Variants in SERBP1 observed in about 807,000 individuals in gnomAD.
SERBP1 encodes SERPINE1 mRNA binding protein 1.
Under a neutral mutation model 50.2 loss-of-function variants are expected in SERBP1, and 6 were observed. The ratio of observed to expected loss-of-function variants is 0.12; its 90% CI spans 0.07 to 0.24. The LOEUF (loss-of-function observed/expected upper bound fraction) is 0.24, where lower values mean the gene tolerates loss of function less well. Ranked by LOEUF, SERBP1 falls within the 10% of genes least tolerant of loss-of-function variation. The pLI, the probability that SERBP1 is intolerant of heterozygous loss-of-function variation, is 1.00. For synonymous variants in SERBP1, 168 were observed against 182.8 expected (o/e 0.92, Z 0.65); for missense variants, 346 against 524.9 (o/e 0.66, Z 3.33).
intron 5 of SERBP1, 67 bp from the exon 6 acceptor site, chr1:67,420,253 T>G (rs1667158532): frequency 3.2e-6 from 4 of 1,261,880 alleles, no homozygotes; most frequent in African/African-American, 1.5e-5. Context: ...ATTTTAAATT[T>G]ATGATTTTAA....
rs57255283 is a variant in SERBP1, at chr1:67,422,960, C to CAAACA, written c.773+1235_773+1239dup. On this transcript the variant is annotated intron_variant, in intron 5 of 7. Coordinates refer to ENST00000361219, the MANE Select transcript of SERBP1 (RefSeq NM_001018069.2). ...CTGGGCAACAGAGCGAGAATGTCTCCAAACAAAACAAAACAAAACAAAACA... is the reference window on the plus strand; with the variant it reads ...CTGGGCAACAGAGCGAGAATGTCTCCAAACAAAACAAAACAAAACAAAACAAAACA... 8.8e-3 allele frequency among the ~76,000 whole-genome samples: 1,297 copies of CAAACA among 147,554 alleles called. 10 individuals carry two copies. The highest frequency in any genetic ancestry group is 0.031 in the African/African-American group (1,236 of 39,644).
At chr1:67,424,348 C>T (rs1391697361) in intron 4 of SERBP1, 71 bp from the exon 5 acceptor site, 1 of 1,567,812 alleles carries the variant, frequency 6.4e-7, no homozygotes, top group Non-Finnish European at 8.6e-7. Context: ...AAAAGAAAGG[C>T]ATCTAGGTCC....
At chr1:67,428,303 C>T (rs1667453896) in intron 1 of SERBP1, among the ~76,000 whole-genome samples, 1 of 152,174 alleles carries the variant, frequency 6.6e-6, no homozygotes, top group Admixed American at 6.5e-5. Flanking sequence ...AAATCATTCC[C>T]CACATTTGTT....
chr1:67,426,158 T>C lies in SERBP1; in HGVS notation c.441A>G (p.Glu147=). The C allele has an allele frequency of 6.2e-7, 1 of 1,607,146 alleles. No individual in the cohort carries two copies. Among genetic ancestry groups the C allele is most frequent in the Non-Finnish European group, 8.5e-7 (1 of 1,177,784 alleles). The change falls in exon 2 of 8, where the codon GAA becomes GAG. Residue 147 remains glutamate, a synonymous_variant. Coordinates refer to ENST00000361219, the MANE Select transcript of SERBP1 (RefSeq NM_001018069.2). ...ACCTATCAACTGAAAATTCGCCTCCTTCACCCTTTTCTTCAAGTGGCTTTT... is the reference window on the plus strand; with the variant it reads ...ACCTATCAACTGAAAATTCGCCTCCCTCACCCTTTTCTTCAAGTGGCTTTT... ...RFEKPLEEKG[E]GGEFSVDRPI... is the part of the protein sequence containing the mutation.
chr1:67,429,063 C>A (rs1667479380), intron 1 of SERBP1, among the ~76,000 whole-genome samples: 1 of 152,010 alleles, frequency 6.6e-6, no homozygotes, highest in East Asian at 1.9e-4. Context: ...GCCCTAGAAA[C>A]AACTATTAAC....
intron 5 of SERBP1, 27 bp from the exon 6 acceptor site, chr1:67,420,213 C>T: frequency 6.5e-7 from 1 of 1,537,732 alleles, no homozygotes; most frequent in South Asian, 1.2e-5. Flanking sequence ...AAGTTTTATA[C>T]CTGGTAGAGA....
In SERBP1 at chr1:67,412,181, A is replaced by C. The variant is rs775114747; in HGVS notation, c.*1026T>G. The C allele has an allele frequency of 2.0e-5, 3 of 152,664 alleles. No homozygotes were observed. The highest frequency in any genetic ancestry group is 7.2e-5 in the African/African-American group (3 of 41,454). The allele number at this position is 152,664 out of a possible 1,614,324, so 9.5% of individuals were successfully genotyped here. On this transcript the variant is annotated 3_prime_UTR_variant, in exon 8 of 8. Coordinates refer to ENST00000361219, the MANE Select transcript of SERBP1 (RefSeq NM_001018069.2). ...CGCCCTTTGGTTTTTGTTTTAGAACAAGGAAGGGTTAAATGGTGGCTGATT... is the reference window on the plus strand; with the variant it reads ...CGCCCTTTGGTTTTTGTTTTAGAACCAGGAAGGGTTAAATGGTGGCTGATT...
intron 2 of SERBP1, among the ~76,000 whole-genome samples, chr1:67,425,569 A>T (rs1667342370): frequency 6.6e-6 from 1 of 152,242 alleles, no homozygotes; most frequent in African/African-American, 2.4e-5. Context: ...TGCTATAAAC[A>T]ATAAACCAAC....
intron 5 of SERBP1, 78 bp from the exon 6 acceptor site, chr1:67,420,264 T>C (rs1557503799): frequency 8.3e-7 from 1 of 1,198,026 alleles, no homozygotes; most frequent in Non-Finnish European, 1.2e-6. Context: ...ATGATTTTAA[T>C]TGAGAAAATT....
rs1667333422 is a variant in SERBP1 at position 67,425,300 on chromosome 1, T to C, written c.465-77A>G. On this transcript the variant is annotated intron_variant, in intron 2 of 7. Coordinates refer to ENST00000361219, the MANE Select transcript of SERBP1 (RefSeq NM_001018069.2). ...GAAAATTCATCCAAAAGATCAAAAA[T>C]ACAGAACATGTTTACTGGCTCAAAA... The C allele has an allele frequency of 1.4e-5, 19 of 1,355,976 alleles. 2 individuals carry two copies. The South Asian group carries it at 2.8e-4, about 20-fold the overall frequency. The allele number at this position is 1,355,976 out of a possible 1,614,324, so 84.0% of individuals were successfully genotyped here. A position where few individuals can be genotyped will look rare whatever the true frequency, so the allele number is the denominator to read the frequency against.
intron 5 of SERBP1, 130 bp downstream of exon 5, chr1:67,424,070 G>A (rs1263403705): frequency 2.3e-6 from 2 of 856,100 alleles, no homozygotes; most frequent in Non-Finnish European, 3.5e-6. Flanking sequence ...AGGGATGAGG[G>A]TACAGTAAGT....
At chr1:67,416,773 G>T (rs373035297) in intron 6 of SERBP1, among the ~76,000 whole-genome samples, 1 of 152,094 alleles carries the variant, frequency 6.6e-6, no homozygotes, top group South Asian at 2.1e-4. Context: ...TAAGGCAATA[G>T]AATGTTCTAA....
At chr1:67,429,798 G>T in intron 1 of SERBP1, 190 bp downstream of exon 1, 1 of 605,158 alleles carries the variant, frequency 1.7e-6, no homozygotes, top group South Asian at 2.3e-5. Context: ...CGCCGGCGGT[G>T]GCTTGAACTT....
At position 67,420,087 on chromosome 1, in the gene SERBP1, A is replaced by G. The variant is rs1341042675; in HGVS notation, c.873T>C (p.Phe291=). ...CACCTTCATTTGGTTTTCGGATATT[A>G]AATTCTACTTTTGCCCGGTCCTTAT... The part of the protein sequence containing the change: ...IQNKDRAKVE[F]NIRKPNEGAD... Residue 291 remains phenylalanine (F), a synonymous_variant, in exon 6 of 8, where the codon TTT becomes TTC. Transcript: ENST00000361219. 1 of 1,613,680 alleles carries G rather than the reference A, an allele frequency of 6.2e-7. No individual in the cohort carries two copies. The highest frequency in any genetic ancestry group is 1.7e-5 in the Admixed American group (1 of 60,008).
rs1666889090 is a variant in SERBP1, at chr1:67,412,979, C to A, written c.*228G>T. 6 of 544,572 alleles carry A rather than the reference C, an allele frequency of 1.1e-5. No individual in the cohort carries two copies. In the East Asian group the frequency reaches 2.2e-4, roughly 20 times the overall value. 33.7% of individuals were successfully genotyped at this position (544,572 alleles called of 1,614,324 possible). The stretch of plus-strand genomic sequence containing the variant: ...TAATCTCTGAAAATTATGAAAACAT[C>A]CCTGCTACCAATACATTTCTAAATA... On this transcript the variant is annotated 3_prime_UTR_variant, in exon 8 of 8. Transcript: ENST00000361219.
At chr1:67,416,901 C>T (rs1264322486) in intron 6 of SERBP1, among the ~76,000 whole-genome samples, 1 of 152,170 alleles carries the variant, frequency 6.6e-6, no homozygotes, top group Non-Finnish European at 1.5e-5. Flanking sequence ...CAAACCAATG[C>T]TTTCAATTTA....
At position 67,415,245 on chromosome 1, in the gene SERBP1, C is replaced by T. The variant is rs1236604886; in HGVS notation, c.1046G>A (p.Arg349His). 4 of 1,613,184 alleles carry T rather than the reference C, an allele frequency of 2.5e-6. No homozygotes were observed. Among genetic ancestry groups the T allele is most frequent in the Admixed American group, 1.7e-5 (1 of 59,908 alleles). The change falls in exon 7 of 8, where the codon CGC becomes CAC. Residue 349 changes from arginine to histidine, a missense_variant. Physicochemically the swap from Arg to His is conservative, Grantham distance 29. Transcript: ENST00000361219. ...QLEINFGDLG[R>H]PGRGGRGGRG... Reference sequence around the variant, plus strand: ...TCCTCCCCTGCCGCCACGTCCTGGGCGGCCAAGGTCTCCAAAATTGATCTC... The same window carrying T: ...TCCTCCCCTGCCGCCACGTCCTGGGTGGCCAAGGTCTCCAAAATTGATCTC...
chr1:67,408,641 C>G lies in SERBP1; in HGVS notation c.*4566G>C. 2 of 151,342 alleles carry G rather than the reference C, an allele frequency of 1.3e-5. No individual in the cohort carries two copies. The highest frequency in any genetic ancestry group is 4.2e-4 in the South Asian group (2 of 4,764). 9.4% of individuals were successfully genotyped at this position (151,342 alleles called of 1,614,324 possible). Reference sequence around the variant, plus strand: ...GCCCCAGCTCAACCTATGGAATTTACCTATATGAAGTGTTCATAATTCTCA... The same window carrying G: ...GCCCCAGCTCAACCTATGGAATTTAGCTATATGAAGTGTTCATAATTCTCA... On this transcript the variant is annotated 3_prime_UTR_variant, in exon 8 of 8. Transcript: ENST00000361219.
Position 67,409,612 on chromosome 1 carries a change from C to A in SERBP1, c.*3595G>T, listed in dbSNP as rs1666763875. 1 of 152,112 alleles carries A rather than the reference C, an allele frequency of 6.6e-6. No individual in the cohort carries two copies. The highest frequency in any genetic ancestry group is 6.6e-5 in the Admixed American group (1 of 15,260). The allele number at this position is 152,112 out of a possible 1,614,324, so 9.4% of individuals were successfully genotyped here. A position where few individuals can be genotyped will look rare whatever the true frequency, so the allele number is the denominator to read the frequency against. On this transcript the variant is annotated 3_prime_UTR_variant, in exon 8 of 8. Transcript: ENST00000361219. ...TGTTTAGATTACAACCTTGTTTTCA[C>A]TATATTCTTGAAATTACCGACTTCC...
Sources: gnomAD v4.1 joint callset for allele counts (sites outside exome capture counted in the v4.1 genomes callset) on GRCh38, gnomAD v4.1.1 for gene constraint, MANE v1.5 for transcripts, NCBI Gene and HGNC (gene_info 2026-07-23, HGNC 2026-07-21) for gene names.